MGLL: variants seen among roughly 807,000 people sequenced by gnomAD.
The protein encoded by MGLL is monoglyceride lipase.
A neutral mutation model predicts 29.1 loss-of-function variants in MGLL; 7 were observed. That is an observed-to-expected ratio of 0.24 (90% CI 0.14 to 0.45). MGLL has a LOEUF of 0.45. Among genes scored for constraint, MGLL ranks in the 20% least tolerant of loss-of-function variants. The pLI is 0.99. For synonymous variants in MGLL, 148 were observed against 168.3 expected (o/e 0.88, Z 0.93); for missense variants, 356 against 413.6 (o/e 0.86, Z 1.21).
chr3:127,815,943 G>A (rs1351882668), intron 2 of MGLL, among the ~76,000 whole-genome samples: 1 of 152,218 alleles, frequency 6.6e-6, no homozygotes, highest in Non-Finnish European at 1.5e-5. Flanking sequence ...AGTATTTGCT[G>A]AATGAATCGC....
intron 6 of MGLL, among the ~76,000 whole-genome samples, chr3:127,701,512 G>GC (rs890392774): frequency 3.3e-5 from 5 of 152,188 alleles, no homozygotes; most frequent in Admixed American, 6.5e-5. Context: ...ACCCTGTGGT[G>GC]CTTCCCATGG....
chr3:127,816,231 A>G (rs1010556008), intron 2 of MGLL, among the ~76,000 whole-genome samples: 4 of 152,104 alleles, frequency 2.6e-5, no homozygotes, highest in Admixed American at 1.3e-4. Flanking sequence ...GCCTGGGGAG[A>G]TGGAAATTCA....
chr3:127,743,652 G>A (rs2076387735), intron 3 of MGLL, among the ~76,000 whole-genome samples: 1 of 149,624 alleles, frequency 6.7e-6, no homozygotes, highest in Non-Finnish European at 1.5e-5. Context: ...CAGGTAGAAG[G>A]GGCCGGAGAG....
chr3:127,732,533 C>A (rs543247564), intron 3 of MGLL, among the ~76,000 whole-genome samples: 2 of 152,108 alleles, frequency 1.3e-5, no homozygotes, highest in African/African-American at 4.8e-5. Context: ...ATAAAGAACC[C>A]GCTGTGTGAA....
At chr3:127,804,061 A>G (rs2077523858) in intron 2 of MGLL, among the ~76,000 whole-genome samples, 1 of 152,250 alleles carries the variant, frequency 6.6e-6, no homozygotes, top group African/African-American at 2.4e-5. Flanking sequence ...ATTTAAAGTA[A>G]AAAAGAAAGT....
intron 2 of MGLL, among the ~76,000 whole-genome samples, chr3:127,815,302 C>T (rs1000905666): frequency 6.6e-6 from 1 of 152,160 alleles, no homozygotes; most frequent in Non-Finnish European, 1.5e-5. Flanking sequence ...CACCGTGTTC[C>T]GAGCAAAGAA....
At chr3:127,818,122 C>T (rs975647258) in intron 2 of MGLL, among the ~76,000 whole-genome samples, 7 of 152,070 alleles carry the variant, frequency 4.6e-5, no homozygotes, top group Non-Finnish European at 1.0e-4. Context: ...CACCACACCC[C>T]GGTAATTTTT....
Position 127,691,927 on chromosome 3 carries a change from C to A in MGLL, c.*271G>T. On this transcript the variant is annotated 3_prime_UTR_variant, in exon 8 of 8. Coordinates refer to ENST00000265052, the MANE Select transcript of MGLL (RefSeq NM_007283.7). ...CAGGGCAGAGGCTTGGCTTTGTTTT[C>A]AGTGGACATTTTAGCACATTCTTTG... 2.1e-6 allele frequency: 1 copy of A among 467,012 alleles called. No individual in the cohort carries two copies. Among genetic ancestry groups the A allele is most frequent in the East Asian group, 4.3e-5 (1 of 23,100 alleles). The allele number at this position is 467,012 out of a possible 1,614,324, so 28.9% of individuals were successfully genotyped here. A position where few individuals can be genotyped will look rare whatever the true frequency, so the allele number is the denominator to read the frequency against.
intron 2 of MGLL, among the ~76,000 whole-genome samples, chr3:127,796,830 T>C (rs1354902496): frequency 7.2e-5 from 11 of 152,216 alleles, no homozygotes. Context: ...TGTATTTCCA[T>C]ATAAATGTGC....
At chr3:127,800,444 G>C (rs2077455633) in intron 2 of MGLL, among the ~76,000 whole-genome samples, 2 of 152,154 alleles carry the variant, frequency 1.3e-5, no homozygotes. Context: ...TGTGAGTTTG[G>C]GCAAGTTGCT....
chr3:127,737,442 T>C (rs549102752), intron 3 of MGLL, among the ~76,000 whole-genome samples: 16 of 149,298 alleles, frequency 1.1e-4, no homozygotes, highest in African/African-American at 3.7e-4. Context: ...GGATGATGGC[T>C]AGCACAGAGC....
chr3:127,802,119 C>A (rs1342594942), intron 2 of MGLL, among the ~76,000 whole-genome samples: 1 of 152,164 alleles, frequency 6.6e-6, no homozygotes, highest in East Asian at 1.9e-4. Flanking sequence ...CCGGGTTGGG[C>A]ACCCTGAGCC....
At chr3:127,803,079 A>C (rs1319843925) in intron 2 of MGLL, among the ~76,000 whole-genome samples, 4 of 151,958 alleles carry the variant, frequency 2.6e-5, no homozygotes, top group African/African-American at 7.3e-5. Flanking sequence ...TCCTGGGTTC[A>C]AGTGATTCTC....
intron 3 of MGLL, among the ~76,000 whole-genome samples, chr3:127,768,884 G>A (rs766168267): frequency 1.3e-5 from 2 of 152,328 alleles, no homozygotes; most frequent in South Asian, 2.1e-4. Flanking sequence ...CCCTGGAGCC[G>A]GAGAGTGTGC....
At chr3:127,778,974 CA>C (rs1462343279) in intron 3 of MGLL, among the ~76,000 whole-genome samples, 3 of 152,122 alleles carry the variant, frequency 2.0e-5, no homozygotes, top group African/African-American at 7.2e-5. Flanking sequence ...GGGCTGGTCT[CA>C]AACTCCTGGC....
At position 127,763,911 on chromosome 3, in the gene MGLL, G is replaced by A. The variant is rs75839615; in HGVS notation, c.262+17878C>T. Among the ~76,000 whole-genome samples, 1,409 of 152,300 alleles carry A rather than the reference G, an allele frequency of 9.3e-3. 16 individuals carry two copies. Among genetic ancestry groups the A allele is most frequent in the African/African-American group, 0.029 (1,218 of 41,566 alleles). ...CACCTCAGTGTGCAGTCTCAGCTGC[G>A]TGCTGGGAAGACAGGAAAGGAAGAC... is the stretch of plus-strand genomic sequence containing the variant. On this transcript the variant is annotated intron_variant, in intron 3 of 7. Transcript: ENST00000265052.
intron 2 of MGLL, among the ~76,000 whole-genome samples, chr3:127,808,704 T>C (rs143359719): frequency 6.6e-6 from 1 of 152,332 alleles, no homozygotes; most frequent in East Asian, 1.9e-4. Flanking sequence ...GGCTCCAAGC[T>C]CATCTCCCAC....
rs1365894149 is a variant in MGLL, at chr3:127,722,367, C to T, written c.399+63G>A. On this transcript the variant is annotated intron_variant, in intron 4 of 7. Coordinates refer to ENST00000265052, the MANE Select transcript of MGLL (RefSeq NM_007283.7). The stretch of plus-strand genomic sequence containing the variant: ...GGGGGGCAGGAAGTCAGGGCCACCC[C>T]CTTCCCCCTGCAAGGCTGGAAGCCA... 9 of 1,610,186 alleles carry T rather than the reference C, an allele frequency of 5.6e-6. No individual in the cohort carries two copies. The South Asian group carries it at 8.8e-5, about 16-fold the overall frequency.
At chr3:127,800,491 C>A (rs1468636012) in intron 2 of MGLL, among the ~76,000 whole-genome samples, 1 of 152,164 alleles carries the variant, frequency 6.6e-6, no homozygotes, top group Non-Finnish European at 1.5e-5. Context: ...TGAGGAGAAC[C>A]ATAGGACCTG....
Sources: gnomAD v4.1 joint callset for allele counts (sites outside exome capture counted in the v4.1 genomes callset) on GRCh38, gnomAD v4.1.1 for gene constraint, MANE v1.5 for transcripts, NCBI Gene and HGNC (gene_info 2026-07-23, HGNC 2026-07-21) for gene names.